GNAQ: variants seen among roughly 807,000 people sequenced by gnomAD.
GNAQ encodes guanine nucleotide-binding protein G(q) subunit alpha.
GNAQ carries 8 observed loss-of-function variants against 43.9 expected under a neutral mutation model. The observed-to-expected ratio is 0.18, with a 90% confidence interval of 0.11 to 0.33. The LOEUF is 0.33. Ranked by LOEUF, GNAQ falls within the 10% of genes least tolerant of loss-of-function variation. The probability of loss-of-function intolerance (pLI) is 1.00; values close to 1 mark genes in which losing one functional copy is unlikely to be tolerated. For missense variants in GNAQ, 158 were observed against 450.8 expected, an observed-to-expected ratio of 0.35 and a Z score of 5.88; for synonymous variants, 155 against 170.7, an observed-to-expected ratio of 0.91 and a Z score of 0.71.
intron 1 of GNAQ, among the ~76,000 whole-genome samples, chr9:77,925,335 T>C (rs1448718835): frequency 2.0e-5 from 3 of 152,214 alleles, no homozygotes; most frequent in Non-Finnish European, 2.9e-5. Flanking sequence ...AAGTGTTTTC[T>C]ATTCAGTAAC....
intron 2 of GNAQ, among the ~76,000 whole-genome samples, chr9:77,917,721 G>T (rs1250607050): frequency 6.6e-6 from 1 of 151,990 alleles, no homozygotes; most frequent in East Asian, 1.9e-4. Flanking sequence ...TTGTGTTCAG[G>T]GAAAATGCAA....
chr9:77,811,812 A>C lies in GNAQ; in HGVS notation c.476+3804T>G, dbSNP rs575789997. Among the ~76,000 whole-genome samples the C allele has an allele frequency of 2.0e-5, 3 of 152,342 alleles. No individual in the cohort carries two copies. In the South Asian group the frequency reaches 6.2e-4, roughly 32 times the overall value. ...GGGCACTGATGTATAGGTGGTGCCA[A>C]AACATCCCTGGAGGAGACCTGAAAT... On this transcript the variant is annotated intron_variant, in intron 3 of 6. Transcript: ENST00000286548.
chr9:77,719,977 A>G lies in GNAQ; in HGVS notation c.*1346T>C, dbSNP rs1825285073. ...GGTGTCGGAATAATACTACCAACCA[A>G]TGTTCCTGGCAGACTTCATTGAACT... On this transcript the variant is annotated 3_prime_UTR_variant, in exon 7 of 7. Coordinates refer to ENST00000286548, the MANE Select transcript of GNAQ (RefSeq NM_002072.5). The G allele has an allele frequency of 4.3e-6, 1 of 232,362 alleles. No individual in the cohort carries two copies. The highest frequency in any genetic ancestry group is 1.8e-4 in the South Asian group (1 of 5,528). The allele number at this position is 232,362 out of a possible 1,614,324, so 14.4% of individuals were successfully genotyped here. A position where few individuals can be genotyped will look rare whatever the true frequency, so the allele number is the denominator to read the frequency against.
chr9:77,915,227 C>A (rs1212141843), intron 2 of GNAQ, among the ~76,000 whole-genome samples: 1 of 152,160 alleles, frequency 6.6e-6, no homozygotes, highest in Admixed American at 6.5e-5. Context: ...ATTTCTGTAC[C>A]TCTTTTAGTA....
At chr9:77,923,695 A>C (rs1279702606) in intron 1 of GNAQ, among the ~76,000 whole-genome samples, 1 of 152,188 alleles carries the variant, frequency 6.6e-6, no homozygotes, top group Non-Finnish European at 1.5e-5. Flanking sequence ...AGACGGAATA[A>C]TAGAATGAAA....
Position 77,947,726 on chromosome 9 carries a change from T to C in GNAQ, c.137-25381A>G, listed in dbSNP as rs912854494. Among the ~76,000 whole-genome samples the C allele has an allele frequency of 3.9e-5, 6 of 152,146 alleles. No homozygotes were observed. In the East Asian group the frequency reaches 7.7e-4, roughly 20 times the overall value. ...TGTGCATTCGAATGTCCTGGGAACATTATTAAAACACACATTCTGATTCTG... is the reference window on the plus strand; with the variant it reads ...TGTGCATTCGAATGTCCTGGGAACACTATTAAAACACACATTCTGATTCTG... On this transcript the variant is annotated intron_variant, in intron 1 of 6. Transcript: ENST00000286548.
chr9:77,869,966 T>C (rs939983729), intron 2 of GNAQ, among the ~76,000 whole-genome samples: 3 of 152,256 alleles, frequency 2.0e-5, no homozygotes, highest in Non-Finnish European at 4.4e-5. Flanking sequence ...TGTATAGACA[T>C]AGATTCTCTT....
chr9:77,730,066 G>A (rs1320000626), intron 5 of GNAQ, among the ~76,000 whole-genome samples: 1 of 152,144 alleles, frequency 6.6e-6, no homozygotes, highest in African/African-American at 2.4e-5. Flanking sequence ...AACAAATTGG[G>A]TCCTGCTCAC....
At chr9:77,974,370 T>C (rs540595579) in intron 1 of GNAQ, among the ~76,000 whole-genome samples, 1 of 152,234 alleles carries the variant, frequency 6.6e-6, no homozygotes, top group African/African-American at 2.4e-5. Context: ...ACAGGCTGCA[T>C]GTCCAATCCT....
chr9:78,028,105 A>AATTT (rs1456501706), intron 1 of GNAQ, among the ~76,000 whole-genome samples: 1 of 152,226 alleles, frequency 6.6e-6, no homozygotes, highest in Non-Finnish European at 1.5e-5. Context: ...ATACCTACAA[A>AATTT]ATATATAAAA....
chr9:77,978,095 A>G (rs1008549276), intron 1 of GNAQ, among the ~76,000 whole-genome samples: 13 of 152,208 alleles, frequency 8.5e-5, no homozygotes, highest in African/African-American at 3.1e-4. Flanking sequence ...GAAGCATGGT[A>G]AAAAGTGGAA....
intron 1 of GNAQ, among the ~76,000 whole-genome samples, chr9:78,023,959 C>T (rs972264146): frequency 2.0e-5 from 3 of 151,976 alleles, no homozygotes; most frequent in South Asian, 2.1e-4. Flanking sequence ...TACACACACA[C>T]ACACTATAAT....
intron 5 of GNAQ, among the ~76,000 whole-genome samples, chr9:77,742,552 T>C (rs1172447711): frequency 4.6e-5 from 7 of 151,910 alleles, no homozygotes; most frequent in African/African-American, 1.7e-4. Flanking sequence ...TATGACCTAT[T>C]ACTAAGTTAC....
At chr9:78,030,565 C>G (rs767571392) in intron 1 of GNAQ, 1 of 470,692 alleles carries the variant, frequency 2.1e-6, no homozygotes, top group East Asian at 7.0e-5. Flanking sequence ...TTCCCCCATT[C>G]CCTCCTGACC....
At chr9:77,748,350 T>C (rs1422089321) in intron 5 of GNAQ, among the ~76,000 whole-genome samples, 1 of 152,188 alleles carries the variant, frequency 6.6e-6, no homozygotes, top group East Asian at 1.9e-4. Flanking sequence ...TTTCCTAAAA[T>C]TACCCTGGAA....
chr9:77,813,816 A>T (rs1373836220), intron 3 of GNAQ, among the ~76,000 whole-genome samples: 4 of 152,186 alleles, frequency 2.6e-5, no homozygotes, highest in Non-Finnish European at 4.4e-5. Context: ...AGGGGAGGAG[A>T]TAAGACTGAA....
intron 5 of GNAQ, among the ~76,000 whole-genome samples, chr9:77,761,338 C>T (rs1439626316): frequency 3.6e-3 from 467 of 128,620 alleles, no homozygotes; most frequent in African/African-American, 7.7e-3. Context: ...GTCAGCCCCC[C>T]GCCCGGCCAG....
intron 2 of GNAQ, among the ~76,000 whole-genome samples, chr9:77,894,367 T>A (rs1336520543): frequency 7.2e-4 from 1 of 1,384 alleles, no homozygotes; most frequent in African/African-American, 2.6e-3. Context: ...AATATATATA[T>A]TATATATATA....
chr9:77,906,214 T>C (rs1028071315), intron 2 of GNAQ, among the ~76,000 whole-genome samples: 6 of 152,170 alleles, frequency 3.9e-5, no homozygotes, highest in African/African-American at 1.4e-4. Flanking sequence ...AATATCTTAA[T>C]CTCTGGAATG....
Sources: gnomAD v4.1 joint callset for allele counts (sites outside exome capture counted in the v4.1 genomes callset) on GRCh38, gnomAD v4.1.1 for gene constraint, MANE v1.5 for transcripts, NCBI Gene and HGNC (gene_info 2026-07-23, HGNC 2026-07-21) for gene names.